Variants in MYOF observed in about 807,000 individuals in gnomAD.
MYOF encodes fer-1-like 3, myoferlin.
MYOF carries 244 observed loss-of-function variants against 284.2 expected under a neutral mutation model. The observed-to-expected ratio is 0.86, with a 90% CI of 0.77 to 0.95. The LOEUF is 0.95. MYOF is among the 40% of genes least tolerant of loss of function. MYOF has a pLI of 0.00. For synonymous variants in MYOF, 904 were observed against 919.7 expected (o/e 0.98, Z 0.31); for missense variants, 2,496 against 2,560.6 (o/e 0.97, Z 0.54).
chr10:93,398,710 A>T (rs1383864363), intron 13 of MYOF, among the ~76,000 whole-genome samples: 1 of 152,192 alleles, frequency 6.6e-6, no homozygotes, highest in Non-Finnish European at 1.5e-5. Flanking sequence ...AGCACCAGTC[A>T]TATGTGTATG....
chr10:93,412,687 C>A (rs1031763393), intron 5 of MYOF, among the ~76,000 whole-genome samples: 2 of 152,200 alleles, frequency 1.3e-5, no homozygotes, highest in Admixed American at 6.5e-5. Context: ...GTTTCTGCCC[C>A]ATGCCTTACA....
At chr10:93,387,767 A>G in intron 19 of MYOF, 30 bp downstream of exon 19, 1 of 1,582,720 alleles carries the variant, frequency 6.3e-7, no homozygotes, top group Non-Finnish European at 8.7e-7. Context: ...CCTTTTCTAT[A>G]CCATGCATTA....
At chr10:93,337,749 A>T in intron 40 of MYOF, 66 bp downstream of exon 40, 2 of 1,370,214 alleles carry the variant, frequency 1.5e-6, no homozygotes. Context: ...TCATCCTCTT[A>T]GCTCTGCCTG....
At chr10:93,389,367 A>G (rs922597520) in intron 17 of MYOF, among the ~76,000 whole-genome samples, 1 of 152,226 alleles carries the variant, frequency 6.6e-6, no homozygotes, top group Non-Finnish European at 1.5e-5. Flanking sequence ...GGTAGCGCAG[A>G]TAAACTTATT....
chr10:93,316,162 CAG>C (rs960395610), intron 50 of MYOF, among the ~76,000 whole-genome samples: 3 of 151,864 alleles, frequency 2.0e-5, no homozygotes, highest in Admixed American at 2.0e-4. Flanking sequence ...GATGCAGAAA[CAG>C]AGCTGGCTAA....
intron 38 of MYOF, among the ~76,000 whole-genome samples, chr10:93,343,178 A>C (rs1589418455): frequency 6.6e-6 from 1 of 152,088 alleles, no homozygotes; most frequent in Non-Finnish European, 1.5e-5. Context: ...AAACAGGGAG[A>C]TATTTGGTGT....
At chr10:93,448,040 C>T (rs1279230388) in intron 3 of MYOF, among the ~76,000 whole-genome samples, 3 of 152,144 alleles carry the variant, frequency 2.0e-5, no homozygotes, top group Non-Finnish European at 4.4e-5. Context: ...GCCCCCAAAG[C>T]CACATATATT....
intron 22 of MYOF, among the ~76,000 whole-genome samples, chr10:93,376,989 G>C (rs1845865139): frequency 6.6e-6 from 1 of 152,166 alleles, no homozygotes; most frequent in Non-Finnish European, 1.5e-5. Context: ...CTTCTCCAGG[G>C]TGGGGGTCAT....
At chr10:93,460,735 C>T (rs1446483672) in intron 1 of MYOF, among the ~76,000 whole-genome samples, 2 of 146,546 alleles carry the variant, frequency 1.4e-5, no homozygotes, top group Non-Finnish European at 3.0e-5. Flanking sequence ...CCACTGCACT[C>T]CAGCCTGGGC....
At position 93,413,832 on chromosome 10, in the gene MYOF, A is replaced by C. The variant is rs559504469; in HGVS notation, c.434-4093T>G. ...AGGGAGACCCCCCATCTCTACAAAA[A>C]AAATTTAAAAACTAGCCGGGTGTGG... On this transcript the variant is annotated intron_variant, in intron 5 of 53. Transcript: ENST00000359263. Among the ~76,000 whole-genome samples the C allele has an allele frequency of 1.3e-4, 20 of 151,870 alleles. No individual in the cohort carries two copies. The South Asian group carries it at 4.2e-3, about 32-fold the overall frequency.
intron 3 of MYOF, among the ~76,000 whole-genome samples, chr10:93,438,878 C>A (rs532573969): frequency 5.3e-5 from 8 of 152,302 alleles, no homozygotes; most frequent in Middle Eastern, 3.4e-3. Context: ...GCGCTCCCCC[C>A]AGGAACTTCC....
chr10:93,410,959 G>A (rs1321586075), intron 5 of MYOF, among the ~76,000 whole-genome samples: 1 of 152,142 alleles, frequency 6.6e-6, no homozygotes, highest in Non-Finnish European at 1.5e-5. Context: ...CCACTTTCGA[G>A]CTATGTGAGT....
chr10:93,417,217 A>T (rs1323162666), intron 5 of MYOF, among the ~76,000 whole-genome samples: 2 of 151,798 alleles, frequency 1.3e-5, no homozygotes, highest in Non-Finnish European at 2.9e-5. Context: ...ACTGCATCCA[A>T]CACTGACCTG....
At chr10:93,389,185 G>A in intron 17 of MYOF, 31 bp from the exon 18 acceptor site, 1 of 1,598,378 alleles carries the variant, frequency 6.3e-7, no homozygotes, top group East Asian at 2.2e-5. Context: ...TGAGGTGTTA[G>A]GCTTTTAACA....
intron 38 of MYOF, among the ~76,000 whole-genome samples, chr10:93,341,570 C>T (rs538977157): frequency 2.8e-4 from 43 of 152,266 alleles, no homozygotes; most frequent in African/African-American, 1.0e-3. Context: ...AGCCACTGTG[C>T]CCGGCCTAAA....
chr10:93,373,195 C>G (rs1035442298), intron 23 of MYOF, 110 bp from the exon 24 acceptor site: 1 of 1,294,608 alleles, frequency 7.7e-7, no homozygotes, highest in African/African-American at 1.5e-5. Flanking sequence ...AGCAAAGAAA[C>G]GCTGTGGTTA....
At chr10:93,459,361 T>C (rs1176945845) in intron 1 of MYOF, among the ~76,000 whole-genome samples, 4 of 152,250 alleles carry the variant, frequency 2.6e-5, no homozygotes, top group Non-Finnish European at 5.9e-5. Flanking sequence ...TGTGTAATTG[T>C]AGCTGCTCCC....
chr10:93,462,202 TAGGATTAC>T (rs2056900741), intron 1 of MYOF, among the ~76,000 whole-genome samples: 1 of 151,944 alleles, frequency 6.6e-6, no homozygotes, highest in South Asian at 2.1e-4. Context: ...CCTGAGTAGC[TAGGATTAC>T]AGGTGTGTGC....
chr10:93,316,913 C>T, intron 49 of MYOF, 100 bp from the exon 50 acceptor site: 2 of 866,188 alleles, frequency 2.3e-6, no homozygotes, highest in South Asian at 3.0e-5. Flanking sequence ...CTTTGCACCC[C>T]CACCCTGACA....
Sources: gnomAD v4.1 joint callset for allele counts (sites outside exome capture counted in the v4.1 genomes callset) on GRCh38, gnomAD v4.1.1 for gene constraint, MANE v1.5 for transcripts, NCBI Gene and HGNC (gene_info 2026-07-23, HGNC 2026-07-21) for gene names.